The following VCPIP1 variants were observed in gnomAD, a reference collection of about 807,000 sequenced individuals.
VCPIP1 encodes the protein valosin containing protein interacting protein 1, also known as deubiquitinating protein VCPIP1.
In VCPIP1, 8 loss-of-function variants were observed where a neutral mutation model predicts 85.0. That is an observed-to-expected ratio of 0.09 (90% CI 0.06 to 0.17). The LOEUF is 0.17. Ranked by LOEUF, VCPIP1 falls within the 10% of genes least tolerant of loss-of-function variation. The pLI is 1.00. For synonymous variants in VCPIP1, 543 were observed against 544.5 expected, an observed-to-expected ratio of 1.00 and a Z score of 0.04; for missense variants, 1,070 against 1,486.3, an observed-to-expected ratio of 0.72 and a Z score of 4.61.
At chr8:66,648,758 T>C (rs1563568865) in intron 2 of VCPIP1, among the ~76,000 whole-genome samples, 1 of 152,088 alleles carries the variant, frequency 6.6e-6, no homozygotes, top group African/African-American at 2.4e-5. Context: ...GGTTTTACCA[T>C]GTTGGCCAGG....
rs1375398962 is a variant in VCPIP1, at chr8:66,653,121, A to G, written c.2711-1577T>C. On this transcript the variant is annotated intron_variant, in intron 1 of 2. Coordinates refer to ENST00000310421, the MANE Select transcript of VCPIP1 (RefSeq NM_025054.5). The stretch of plus-strand genomic sequence containing the variant: ...GTAGACAAGTTTTAGAAGACTTGAC[A>G]ATTAAAGTTTCAGTTAATCAAAACA... Among the ~76,000 whole-genome samples, 4 of 152,368 alleles carry G rather than the reference A, an allele frequency of 2.6e-5. No individual in the cohort carries two copies. The East Asian group carries it at 7.7e-4, about 29-fold the overall frequency.
intron 2 of VCPIP1, among the ~76,000 whole-genome samples, chr8:66,642,583 T>G (rs1460497308): frequency 6.6e-6 from 1 of 152,208 alleles, no homozygotes; most frequent in African/African-American, 2.4e-5. Context: ...GAATTAATTT[T>G]GTATATGGTG....
In VCPIP1 at chr8:66,666,026, G is replaced by T; in HGVS notation, c.933C>A (p.Gly311=). The change falls in exon 1 of 3, where the codon GGC becomes GGA. Residue 311 remains glycine (G), a synonymous_variant. Transcript: ENST00000310421. The surrounding 1 kb of genome is among the most constrained non-coding windows in gnomAD (Gnocchi z 6.3). ...CTGAATAATCACCAGAGCTTCTCAT[G>T]CCACTGAGGGAATCTAACAGAATAA... is the stretch of plus-strand genomic sequence containing the variant. ...RPIILLDSLS[G]MRSSGDYSAT... 6.2e-7 allele frequency: 1 copy of T among 1,614,174 alleles called. No individual in the cohort carries two copies. Among genetic ancestry groups the T allele is most frequent in the Non-Finnish European group, 8.5e-7 (1 of 1,180,044 alleles).
intron 1 of VCPIP1, among the ~76,000 whole-genome samples, chr8:66,658,500 C>CT (rs1811122017): frequency 6.7e-6 from 1 of 149,882 alleles, no homozygotes; most frequent in Admixed American, 6.6e-5. Flanking sequence ...TTCTTTTTTT[C>CT]TTTTTTTGAG....
Position 66,665,500 on chromosome 8 carries a change from G to A in VCPIP1, c.1459C>T (p.Pro487Ser). The change falls in exon 1 of 3, where the codon CCT becomes TCT. Residue 487 changes from proline (P) to serine (S), a missense_variant. By Grantham distance (74) the Pro-to-Ser change is moderately conservative. Coordinates refer to ENST00000310421, the MANE Select transcript of VCPIP1 (RefSeq NM_025054.5). This position sits in a 1 kb window ranked among gnomAD's most constrained non-coding sequence, Gnocchi z 4.3. ...GCCAGGTTATACAATTTCCCTCCAG[G>A]AGCCAACCACTCTGGAGGAACATGA... ...ELHVPPEWLA[P>S]GGKLYNLAKS... 6.2e-7 allele frequency: 1 copy of A among 1,614,162 alleles called. No homozygotes were observed. Among genetic ancestry groups the A allele is most frequent in the African/African-American group, 1.3e-5 (1 of 75,044 alleles).
chr8:66,649,381 A>G (rs1337501636), intron 2 of VCPIP1, among the ~76,000 whole-genome samples: 2 of 152,024 alleles, frequency 1.3e-5, no homozygotes, highest in Non-Finnish European at 2.9e-5. Flanking sequence ...GCATGGTGGC[A>G]CATGGCTGTG....
intron 2 of VCPIP1, among the ~76,000 whole-genome samples, chr8:66,637,392 T>C (rs895502768): frequency 6.6e-6 from 1 of 150,794 alleles, no homozygotes; most frequent in African/African-American, 2.4e-5. Context: ...TTAAAATATA[T>C]ATTTAAAAAT....
At position 66,665,144 on chromosome 8, in the gene VCPIP1, T is replaced by C; in HGVS notation, c.1815A>G (p.Glu605=). The C allele has an allele frequency of 1.9e-6, 3 of 1,612,014 alleles. No homozygotes were observed. Among genetic ancestry groups the C allele is most frequent in the Non-Finnish European group, 2.5e-6 (3 of 1,178,564 alleles). The part of the protein sequence containing the change: ...TLEWGGRVVR[E]TVYWFQYESD... ...TTTCATACTGGAACCAATATACTGT[T>C]TCTCTGACCACTCTTCCACCCCATT... The change falls in exon 1 of 3, where the codon GAA becomes GAG. Residue 605 remains glutamate (E), a synonymous_variant. Transcript: ENST00000310421. This position sits in a 1 kb window ranked among gnomAD's most constrained non-coding sequence, Gnocchi z 4.3.
rs1810805834 is a variant in VCPIP1 at position 66,628,840 on chromosome 8, A to T, written c.*5661T>A. The T allele has an allele frequency of 6.6e-6, 1 of 152,232 alleles. No individual in the cohort carries two copies. Among genetic ancestry groups the T allele is most frequent in the South Asian group, 2.1e-4 (1 of 4,830 alleles). 9.4% of individuals were successfully genotyped at this position (152,232 alleles called of 1,614,324 possible). A position where few individuals can be genotyped will look rare whatever the true frequency, so the allele number is the denominator to read the frequency against. On this transcript the variant is annotated 3_prime_UTR_variant, in exon 3 of 3. Transcript: ENST00000310421. ...TATGACGACAATGGTCGGCAGAACA[A>T]AAGGTTGACAATTGTGAAACCACAA...
chr8:66,637,456 G>A (rs1440459528), intron 2 of VCPIP1, among the ~76,000 whole-genome samples: 1 of 149,854 alleles, frequency 6.7e-6, no homozygotes, highest in Non-Finnish European at 1.5e-5. Context: ...CACTTTGGGA[G>A]GCCTGGGCAA....
rs903996094 is a variant in VCPIP1 at position 66,633,095 on chromosome 8, A to G, written c.*1406T>C. The G allele has an allele frequency of 3.9e-5, 6 of 152,506 alleles. No homozygotes were observed. The highest frequency in any genetic ancestry group is 1.4e-4 in the African/African-American group (6 of 41,472). 9.4% of individuals were successfully genotyped at this position (152,506 alleles called of 1,614,324 possible). On this transcript the variant is annotated 3_prime_UTR_variant, in exon 3 of 3. Transcript: ENST00000310421. ...CTTATCTGGAAACACAAGTTAAAGT[A>G]CTGTCTATATCCCTTATGAATCAAC...
rs1205722481 is a variant in VCPIP1 at position 66,630,533 on chromosome 8, A to T, written c.*3968T>A. Reference sequence around the variant, plus strand: ...TAGGCAATACCTTAAAAATTTAAAAACTAAGTAATTGATACTCACAAGCAG... The same window carrying T: ...TAGGCAATACCTTAAAAATTTAAAATCTAAGTAATTGATACTCACAAGCAG... On this transcript the variant is annotated 3_prime_UTR_variant, in exon 3 of 3. Transcript: ENST00000310421. 1 of 152,582 alleles carries T rather than the reference A, an allele frequency of 6.6e-6. No homozygotes were observed. The highest frequency in any genetic ancestry group is 1.5e-5 in the Non-Finnish European group (1 of 68,034). 9.5% of individuals were successfully genotyped at this position (152,582 alleles called of 1,614,324 possible).
In VCPIP1 at chr8:66,666,062, T is replaced by C. The variant is rs1811206001; in HGVS notation, c.897A>G (p.Leu299=). 1 of 1,614,158 alleles carries C rather than the reference T, an allele frequency of 6.2e-7. No individual in the cohort carries two copies. The highest frequency in any genetic ancestry group is 8.5e-7 in the Non-Finnish European group (1 of 1,180,026). The part of the protein sequence containing the change: ...NIHIFGLANV[L]HRPIILLDSL... ...AATCTAACAGAATAATAGGACGATG[T>C]AGCACATTGGCAAGACCAAATATGT... is the stretch of plus-strand genomic sequence containing the variant. The change falls in exon 1 of 3, where the codon CTA becomes CTG. Residue 299 remains leucine (L), a synonymous_variant. Coordinates refer to ENST00000310421, the MANE Select transcript of VCPIP1 (RefSeq NM_025054.5). This position sits in a 1 kb window ranked among gnomAD's most constrained non-coding sequence, Gnocchi z 6.3.
chr8:66,636,236 C>CAAA (rs1180259925), intron 2 of VCPIP1, among the ~76,000 whole-genome samples: 18 of 41,462 alleles, frequency 4.3e-4, no homozygotes, highest in East Asian at 6.6e-4. Flanking sequence ...GACTCCATCT[C>CAAA]AAAAAAAAAA....
chr8:66,651,664 C>T, intron 1 of VCPIP1, 120 bp from the exon 2 acceptor site: 1 of 672,820 alleles, frequency 1.5e-6, no homozygotes, highest in Non-Finnish European at 2.5e-6. Flanking sequence ...AGTGAAACAG[C>T]CTGACACGCC....
At chr8:66,647,759 T>A (rs1164943052) in intron 2 of VCPIP1, among the ~76,000 whole-genome samples, 1 of 152,134 alleles carries the variant, frequency 6.6e-6, no homozygotes, top group East Asian at 1.9e-4. Context: ...CTGGAACAAC[T>A]GGTCATCCAT....
chr8:66,639,566 T>C (rs2956806), intron 2 of VCPIP1, among the ~76,000 whole-genome samples: 2,319 of 151,960 alleles, frequency 0.015, 29 homozygotes, highest in Non-Finnish European at 0.023. Flanking sequence ...TGTTAAATGA[T>C]CTGCCCACCT....
Position 66,631,573 on chromosome 8 carries a change from AC to A in VCPIP1, c.*2927del, listed in dbSNP as rs1408991161. On this transcript the variant is annotated 3_prime_UTR_variant, in exon 3 of 3. Transcript: ENST00000310421. ...ATACTTAAAAATAATGGCAATAAGG[AC>A]CTGTGGCCAGGAATTACAGATGCAT... The A allele has an allele frequency of 4.5e-5, 7 of 154,506 alleles. No homozygotes were observed. Among genetic ancestry groups the A allele is most frequent in the African/African-American group, 1.7e-4 (7 of 41,498 alleles). The allele number at this position is 154,506 out of a possible 1,614,324, so 9.6% of individuals were successfully genotyped here. A position where few individuals can be genotyped will look rare whatever the true frequency, so the allele number is the denominator to read the frequency against.
chr8:66,645,260 A>C (rs1016187281), intron 2 of VCPIP1, among the ~76,000 whole-genome samples: 4 of 152,132 alleles, frequency 2.6e-5, no homozygotes, highest in Non-Finnish European at 1.5e-5. Context: ...TCTACTAAAA[A>C]TAAAAAAATT....
Sources: gnomAD v4.1 joint callset for allele counts (sites outside exome capture counted in the v4.1 genomes callset) on GRCh38, gnomAD v4.1.1 for gene constraint, Gnocchi (gnomAD v3.1) non-coding constraint, MANE v1.5 for transcripts, NCBI Gene and HGNC (gene_info 2026-07-23, HGNC 2026-07-21) for gene names.